JMJD4: variants seen among roughly 807,000 people sequenced by gnomAD.
JMJD4 encodes jumonji domain containing 4.
A neutral mutation model predicts 36.3 loss-of-function variants in JMJD4; 34 were observed. The observed-to-expected ratio is 0.94, with a 90% CI of 0.71 to 1.25. The LOEUF is 1.25. JMJD4 is among the 50% of genes most tolerant of loss of function. The pLI, the probability that JMJD4 is intolerant of heterozygous loss-of-function variation, is 0.00. For missense variants in JMJD4, 584 were observed against 559.1 expected, an observed-to-expected ratio of 1.04 and a Z score of -0.45; for synonymous variants, 269 against 235.3, an observed-to-expected ratio of 1.14 and a Z score of -1.31.
chr1:227,733,143 C>T, intron 4 of JMJD4, 116 bp from the exon 5 acceptor site: 1 of 1,162,014 alleles, frequency 8.6e-7, no homozygotes, highest in South Asian at 1.4e-5. Context: ...CCAAGAGGGC[C>T]CTCCTGTCTC....
Position 227,732,367 on chromosome 1 carries a change from C to A in JMJD4, c.*25G>T, listed in dbSNP as rs756031409. On this transcript the variant is annotated 3_prime_UTR_variant, in exon 6 of 6. Transcript: ENST00000620518. ...AGCAGGAGGCTGCCTCTCTTCCACC[C>A]GTCCTTCTATCCTCACGACAGGTGC... 19 of 1,604,702 alleles carry A rather than the reference C, an allele frequency of 1.2e-5. No individual in the cohort carries two copies. Among genetic ancestry groups the A allele is most frequent in the Non-Finnish European group, 1.6e-5 (19 of 1,174,514 alleles).
chr1:227,734,264 C>T, intron 2 of JMJD4: 1 of 539,978 alleles, frequency 1.9e-6, no homozygotes, highest in Non-Finnish European at 3.2e-6. Flanking sequence ...GCCTATAATC[C>T]CAGTGCTTTG....
Position 227,734,762 on chromosome 1 carries a change from G to T in JMJD4, c.317C>A (p.Pro106His). 6.2e-7 allele frequency: 1 copy of T among 1,614,116 alleles called. No homozygotes were observed. The highest frequency in any genetic ancestry group is 8.5e-7 in the Non-Finnish European group (1 of 1,180,016). Residue 106 changes from proline to histidine, a missense_variant, in exon 2 of 6, where the codon CCC becomes CAC. Transcript: ENST00000620518. ...NCGVQEYNSN[P>H]KEHMTLRDYI... The stretch of plus-strand genomic sequence containing the variant: ...GTCTCTGAGAGTCATGTGCTCTTTG[G>T]GGTTCGAGTTGTATTCCTGGACCCC...
rs1334392382 is a variant in JMJD4, at chr1:227,732,278, AGCCTCGACAGGGGTGG to A, written c.*98_*113del. The A allele has an allele frequency of 7.9e-7, 1 of 1,269,370 alleles. No individual in the cohort carries two copies. Among genetic ancestry groups the A allele is most frequent in the African/African-American group, 1.5e-5 (1 of 67,064 alleles). The allele number at this position is 1,269,370 out of a possible 1,614,324, so 78.6% of individuals were successfully genotyped here. On this transcript the variant is annotated 3_prime_UTR_variant, in exon 6 of 6. Coordinates refer to ENST00000620518, the MANE Select transcript of JMJD4 (RefSeq NM_023007.3). Reference sequence around the variant, plus strand: ...AGTGGCCATGAACAGCCAGGCCACAAGCCTCGACAGGGGTGGGCCCCAGGTCACAGGGAGGGCGGTC... The same window carrying A: ...AGTGGCCATGAACAGCCAGGCCACAAGCCCCAGGTCACAGGGAGGGCGGTC...
chr1:227,731,311 G>A lies in JMJD4; in HGVS notation c.*1081C>T, dbSNP rs1660629866. 2 of 152,332 alleles carry A rather than the reference G, an allele frequency of 1.3e-5. No individual in the cohort carries two copies. The allele number at this position is 152,332 out of a possible 1,614,324, so 9.4% of individuals were successfully genotyped here. A position where few individuals can be genotyped will look rare whatever the true frequency, so the allele number is the denominator to read the frequency against. ...GACAGAAACCCCTGCCCTTCTTGGG[G>A]GCTTCCATCCTAGACAAGTGCCAGC... On this transcript the variant is annotated 3_prime_UTR_variant, in exon 6 of 6. Transcript: ENST00000620518.
rs752852960 is a variant in JMJD4 at position 227,733,394 on chromosome 1, C to T, written c.822+20G>A. On this transcript the variant is annotated intron_variant, in intron 4 of 5. Coordinates refer to ENST00000620518, the MANE Select transcript of JMJD4 (RefSeq NM_023007.3). ...CTGCAGGAAGGCCCCTGATAGGGGGCAGGAGAAGCAGCACATTACCAGGTT... is the reference window on the plus strand; with the variant it reads ...CTGCAGGAAGGCCCCTGATAGGGGGTAGGAGAAGCAGCACATTACCAGGTT... The T allele has an allele frequency of 3.2e-6, 5 of 1,564,810 alleles. No homozygotes were observed. In the African/African-American group the frequency reaches 4.1e-5, roughly 13 times the overall value.
chr1:227,732,739 C>A, intron 5 of JMJD4, 63 bp from the exon 6 acceptor site: 1 of 1,595,832 alleles, frequency 6.3e-7, no homozygotes, highest in East Asian at 2.2e-5. Context: ...GCAAAGGACC[C>A]GACATGCGCC....
In JMJD4 at chr1:227,732,867, C is replaced by A; in HGVS notation, c.969+14G>T. Reference sequence around the variant, plus strand: ...CTCCCCCAGGAGGGTAGCCTCCATGCGTAGCCACCCCACCTGGCAGTGGTG... The same window carrying A: ...CTCCCCCAGGAGGGTAGCCTCCATGAGTAGCCACCCCACCTGGCAGTGGTG... On this transcript the variant is annotated intron_variant, in intron 5 of 5. Coordinates refer to ENST00000620518, the MANE Select transcript of JMJD4 (RefSeq NM_023007.3). The A allele has an allele frequency of 3.1e-6, 5 of 1,612,010 alleles. No individual in the cohort carries two copies. Among genetic ancestry groups the A allele is most frequent in the Non-Finnish European group, 4.2e-6 (5 of 1,179,882 alleles).
At chr1:227,734,986 C>T (rs1009762689) in intron 1 of JMJD4, 26 bp downstream of exon 1, 2 of 1,511,180 alleles carry the variant, frequency 1.3e-6, no homozygotes, top group East Asian at 2.3e-5. Context: ...TTCCTCCCCG[C>T]CCGGGGTCTG....
chr1:227,734,351 TTAAA>T, intron 2 of JMJD4: 5 of 263,796 alleles, frequency 1.9e-5, no homozygotes, highest in Admixed American at 5.8e-5. Context: ...CCTAGTCTCT[TTAAA>T]AAAAAAAAAA....
intron 4 of JMJD4, 74 bp from the exon 5 acceptor site, chr1:227,733,101 A>C: frequency 6.5e-7 from 1 of 1,527,958 alleles, no homozygotes; most frequent in Non-Finnish European, 9.0e-7. Context: ...CTCCTGCGCC[A>C]GGAACCCACT....
chr1:227,731,865 T>C lies in JMJD4; in HGVS notation c.*527A>G, dbSNP rs962079163. Reference sequence around the variant, plus strand: ...GCCCAACCCAGCCCTCCACTCTGGGTACCCAGAGGAAGGCGCAGGCCGCTG... The same window carrying C: ...GCCCAACCCAGCCCTCCACTCTGGGCACCCAGAGGAAGGCGCAGGCCGCTG... On this transcript the variant is annotated 3_prime_UTR_variant, in exon 6 of 6. Transcript: ENST00000620518. 1 of 155,814 alleles carries C rather than the reference T, an allele frequency of 6.4e-6. No individual in the cohort carries two copies. Among genetic ancestry groups the C allele is most frequent in the Non-Finnish European group, 1.4e-5 (1 of 70,086 alleles). 9.7% of individuals were successfully genotyped at this position (155,814 alleles called of 1,614,324 possible).
Position 227,732,644 on chromosome 1 carries a change from A to T in JMJD4, c.1002T>A (p.Phe334Leu), listed in dbSNP as rs771105940. The stretch of plus-strand genomic sequence containing the variant: ...CCTTGAGGAAGTGGTAAAACTCTTC[A>T]AAGTTGATGCCCGAGCAGGACCTCA... ...VIMRSCSGIN[F>L]EEFYHFLKVI... Residue 334 changes from phenylalanine (F) to leucine (L), a missense_variant, in exon 6 of 6, where the codon TTT (phenylalanine) becomes TTA (leucine). Physicochemically the swap from Phe to Leu is conservative, Grantham distance 22. Coordinates refer to ENST00000620518, the MANE Select transcript of JMJD4 (RefSeq NM_023007.3). 1.2e-6 allele frequency: 2 copies of T among 1,613,386 alleles called. No homozygotes were observed. Among genetic ancestry groups the T allele is most frequent in the Non-Finnish European group, 1.7e-6 (2 of 1,179,994 alleles).
In JMJD4 at chr1:227,733,947, C is replaced by A. The variant is rs747188892; in HGVS notation, c.514G>T (p.Asp172Tyr). 1.9e-6 allele frequency: 3 copies of A among 1,613,838 alleles called. No homozygotes were observed. The African/African-American group carries it at 4.0e-5, about 22-fold the overall frequency. ...LNEFWDALDV[D>Y]DYRFVYAGPA... ...CCCGCGTAGACAAAGCGGTAGTCATCCACATCCAGTGCATCCCAGAACTCA... is the reference window on the plus strand; with the variant it reads ...CCCGCGTAGACAAAGCGGTAGTCATACACATCCAGTGCATCCCAGAACTCA... Residue 172 changes from aspartate to tyrosine, a missense_variant, in exon 3 of 6, where the codon GAT becomes TAT. Asp to Tyr is a radical substitution (Grantham distance 160). Coordinates refer to ENST00000620518, the MANE Select transcript of JMJD4 (RefSeq NM_023007.3).
At chr1:227,733,315 C>G in intron 4 of JMJD4, 99 bp downstream of exon 4, 3 of 1,332,958 alleles carry the variant, frequency 2.3e-6, no homozygotes, top group Non-Finnish European at 3.0e-6. Flanking sequence ...CATGAGCCAC[C>G]CCATTCCAGC....
chr1:227,735,011 C>A lies in JMJD4; in HGVS notation c.262+1G>T. On this transcript the variant is annotated splice_donor_variant, in intron 1 of 5. Coordinates refer to ENST00000620518, the MANE Select transcript of JMJD4 (RefSeq NM_023007.3). LOFTEE classifies it high-confidence loss of function. ...CCCGGGGTCTGCGGCCGCCGCCCCACCGTAGGTCCGTAGCAGGTGGTCGAA... is the reference window on the plus strand; with the variant it reads ...CCCGGGGTCTGCGGCCGCCGCCCCAACGTAGGTCCGTAGCAGGTGGTCGAA... 1 of 1,537,844 alleles carries A rather than the reference C, an allele frequency of 6.5e-7. No individual in the cohort carries two copies. The highest frequency in any genetic ancestry group is 1.2e-5 in the South Asian group (1 of 80,204).
chr1:227,732,319 CT>C lies in JMJD4; in HGVS notation c.*72del. On this transcript the variant is annotated 3_prime_UTR_variant, in exon 6 of 6. Transcript: ENST00000620518. The stretch of plus-strand genomic sequence containing the variant: ...GGCCCCAGGTCACAGGGAGGGCGGT[CT>C]TTATTTCTGGAAGGGCCCCGGAGCA... The C allele has an allele frequency of 6.4e-7, 1 of 1,559,808 alleles. No homozygotes were observed. The highest frequency in any genetic ancestry group is 8.8e-7 in the Non-Finnish European group (1 of 1,142,670).
intron 2 of JMJD4, 38 bp downstream of exon 2, chr1:227,734,613 G>A (rs373083206): frequency 3.7e-6 from 6 of 1,608,096 alleles, no homozygotes; most frequent in Non-Finnish European, 4.3e-6. Flanking sequence ...CGCAGCGCTA[G>A]GGAAGGCAGC....
intron 2 of JMJD4, 154 bp downstream of exon 2, chr1:227,734,497 C>T (rs950109556): frequency 7.6e-6 from 5 of 657,282 alleles, no homozygotes; most frequent in Non-Finnish European, 1.3e-5. Flanking sequence ...TGCAGCCATG[C>T]GGAAGACAAT....
Sources: allele counts gnomAD v4.1 joint callset, GRCh38; gene constraint gnomAD v4.1.1; transcripts MANE v1.5; gene names NCBI Gene and HGNC (gene_info 2026-07-23, HGNC 2026-07-21).